The following TTLL9 variants were observed in gnomAD, a reference collection of about 807,000 sequenced individuals.
TTLL9 encodes the protein probable tubulin polyglutamylase TTLL9.
In TTLL9, 47 loss-of-function variants were observed where a neutral mutation model predicts 65.6. That is an observed-to-expected ratio of 0.72 (90% CI 0.57 to 0.91). The LOEUF is 0.91. TTLL9 is among the 40% of genes least tolerant of loss of function. TTLL9 has a pLI of 0.00. For missense variants in TTLL9, 537 were observed against 568.8 expected (o/e 0.94, Z 0.57); for synonymous variants, 179 against 204.8 (o/e 0.87, Z 1.07).
chr20:31,917,350 G>A (rs1328914956), intron 6 of TTLL9, among the ~76,000 whole-genome samples: 1 of 152,176 alleles, frequency 6.6e-6, no homozygotes, highest in Non-Finnish European at 1.5e-5. Flanking sequence ...CCCTTGACAT[G>A]TTTTGCAGTT....
At chr20:31,932,430 C>A (rs1185327474) in intron 10 of TTLL9, among the ~76,000 whole-genome samples, 3 of 139,916 alleles carry the variant, frequency 2.1e-5, no homozygotes. Flanking sequence ...TGAGATGGCA[C>A]CACTGCACTC....
chr20:31,876,642 T>C (rs2063041974), intron 2 of TTLL9, among the ~76,000 whole-genome samples: 1 of 152,166 alleles, frequency 6.6e-6, no homozygotes, highest in South Asian at 2.1e-4. Context: ...AGATGAAAGG[T>C]ATTCCATGGA....
At chr20:31,914,203 T>C (rs2123525624) in intron 6 of TTLL9, among the ~76,000 whole-genome samples, 1 of 152,322 alleles carries the variant, frequency 6.6e-6, no homozygotes, top group South Asian at 2.1e-4. Flanking sequence ...CACTGAGACT[T>C]TCTAAGAGTC....
intron 13 of TTLL9, among the ~76,000 whole-genome samples, chr20:31,937,878 T>C (rs556183911): frequency 2.6e-4 from 40 of 152,196 alleles, no homozygotes; most frequent in African/African-American, 8.9e-4. Flanking sequence ...ACAAAGATAA[T>C]TTACTATCTA....
At chr20:31,898,822 A>C (rs1431210184) in intron 4 of TTLL9, among the ~76,000 whole-genome samples, 1 of 152,260 alleles carries the variant, frequency 6.6e-6, no homozygotes, top group Non-Finnish European at 1.5e-5. Context: ...CAGCATTGTA[A>C]GCATCAGAGC....
At chr20:31,895,089 T>C (rs1600546506) in intron 3 of TTLL9, among the ~76,000 whole-genome samples, 1 of 152,300 alleles carries the variant, frequency 6.6e-6, no homozygotes, top group East Asian at 1.9e-4. Context: ...GGGAATAATA[T>C]ACAAGAAGTA....
chr20:31,877,767 G>A (rs2063056753), intron 2 of TTLL9, among the ~76,000 whole-genome samples: 1 of 152,080 alleles, frequency 6.6e-6, no homozygotes, highest in Admixed American at 6.6e-5. Context: ...GGCTTGGTAG[G>A]CAGAGAAGTG....
At position 31,925,009 on chromosome 20, in the gene TTLL9, G is replaced by T; in HGVS notation, c.665G>T (p.Gly222Val). The T allele has an allele frequency of 1.2e-6, 2 of 1,614,104 alleles. No homozygotes were observed. The highest frequency in any genetic ancestry group is 1.7e-6 in the Non-Finnish European group (2 of 1,180,002). Residue 222 changes from glycine (G) to valine (V), a missense_variant and splice_region_variant, in exon 9 of 15, where the codon GGC (glycine) becomes GTC (valine). Coordinates refer to ENST00000535842, the MANE Select transcript of TTLL9 (RefSeq NM_001008409.5). The stretch of plus-strand genomic sequence containing the variant: ...AATTAATTTTTTCCTTGCCTGACAG[G>T]CCGCAAGTTTGACCTGCGTGTCTAT... ...RYIENPYLIG[G>V]RKFDLRVYVL...
chr20:31,899,851 A>G (rs939625764), intron 4 of TTLL9, among the ~76,000 whole-genome samples: 1 of 150,666 alleles, frequency 6.6e-6, no homozygotes, highest in East Asian at 2.0e-4. Flanking sequence ...TGCAAGCTCC[A>G]CCTCCCAGGT....
chr20:31,899,189 T>C (rs961091620), intron 4 of TTLL9, among the ~76,000 whole-genome samples: 7 of 152,238 alleles, frequency 4.6e-5, no homozygotes, highest in African/African-American at 1.4e-4. Flanking sequence ...TCAGAGATGG[T>C]AAGGGGGCCC....
At chr20:31,936,262 C>T (rs1257713371) in intron 12 of TTLL9, among the ~76,000 whole-genome samples, 1 of 152,108 alleles carries the variant, frequency 6.6e-6, no homozygotes, top group African/African-American at 2.4e-5. Flanking sequence ...TTTTTAATTT[C>T]AATTTATTGA....
intron 6 of TTLL9, among the ~76,000 whole-genome samples, chr20:31,913,339 G>A (rs868378991): frequency 1.8e-4 from 27 of 152,260 alleles, no homozygotes; most frequent in African/African-American, 5.3e-4. Flanking sequence ...GAACCACTGG[G>A]TTTGAGTATT....
chr20:31,874,554 G>A (rs1221245384), intron 2 of TTLL9, among the ~76,000 whole-genome samples: 1 of 151,982 alleles, frequency 6.6e-6, no homozygotes, highest in Non-Finnish European at 1.5e-5. Flanking sequence ...TGGGACTACA[G>A]GTGCCCACCC....
intron 6 of TTLL9, among the ~76,000 whole-genome samples, chr20:31,918,417 C>A (rs1020762787): frequency 1.2e-4 from 19 of 152,072 alleles, no homozygotes; most frequent in African/African-American, 4.6e-4. Flanking sequence ...CACTGTTGCC[C>A]AGGCTGTGCA....
At position 31,943,611 on chromosome 20, in the gene TTLL9, C is replaced by G; in HGVS notation, c.*590C>G. 1 of 393,790 alleles carries G rather than the reference C, an allele frequency of 2.5e-6. No individual in the cohort carries two copies. The highest frequency in any genetic ancestry group is 7.2e-5 in the East Asian group (1 of 13,886). The allele number at this position is 393,790 out of a possible 1,614,324, so 24.4% of individuals were successfully genotyped here. ...CTCTTCTCCTTGCATGTCAGGGGAG[C>G]CCATGGGGCTCCCTGACCATCATCT... On this transcript the variant is annotated 3_prime_UTR_variant, in exon 15 of 15. Coordinates refer to ENST00000535842, the MANE Select transcript of TTLL9 (RefSeq NM_001008409.5).
chr20:31,913,598 G>C (rs1016475995), intron 6 of TTLL9, among the ~76,000 whole-genome samples: 1 of 152,054 alleles, frequency 6.6e-6, no homozygotes, highest in Non-Finnish European at 1.5e-5. Context: ...GGTGTCTGCC[G>C]AGCCTTCATC....
At chr20:31,896,014 A>G (rs927630337) in intron 3 of TTLL9, among the ~76,000 whole-genome samples, 1 of 151,446 alleles carries the variant, frequency 6.6e-6, no homozygotes, top group African/African-American at 2.4e-5. Flanking sequence ...TAATGTTTGT[A>G]TTTTTAGTAG....
At chr20:31,894,623 G>A (rs2063356238) in intron 3 of TTLL9, among the ~76,000 whole-genome samples, 1 of 151,820 alleles carries the variant, frequency 6.6e-6, no homozygotes. Context: ...TGGATATTGT[G>A]TATGAAAAAC....
Position 31,944,010 on chromosome 20 carries a change from G to C in TTLL9, c.*989G>C, listed in dbSNP as rs538941101. The stretch of plus-strand genomic sequence containing the variant: ...GTAGTTTCTCTGGCTGCAAATGGTT[G>C]AATCTGCCTGCCTAGGTCAAGCCCG... On this transcript the variant is annotated 3_prime_UTR_variant, in exon 15 of 15. Coordinates refer to ENST00000535842, the MANE Select transcript of TTLL9 (RefSeq NM_001008409.5). 4.3e-5 allele frequency: 15 copies of C among 350,444 alleles called. No homozygotes were observed. Among genetic ancestry groups the C allele is most frequent in the East Asian group, 3.7e-4 (5 of 13,500 alleles). 21.7% of individuals were successfully genotyped at this position (350,444 alleles called of 1,614,324 possible).
Sources: allele counts gnomAD v4.1 joint callset (sites outside exome capture counted in the v4.1 genomes callset), GRCh38; gene constraint gnomAD v4.1.1; transcripts MANE v1.5; gene names NCBI Gene and HGNC (gene_info 2026-07-23, HGNC 2026-07-21).